CAST: variants seen among roughly 807,000 people sequenced by gnomAD.
The protein encoded by CAST is calpastatin.
A neutral mutation model predicts 119.6 loss-of-function variants in CAST; 76 were observed. That is an observed-to-expected ratio of 0.64 (90% confidence interval 0.53 to 0.77). The LOEUF (loss-of-function observed/expected upper bound fraction) is 0.77. Among genes scored for constraint, CAST ranks in the 30% least tolerant of loss-of-function variants. CAST has a pLI of 0.00. For missense variants in CAST, 953 were observed against 946.5 expected (o/e 1.01, Z -0.09); for synonymous variants, 319 against 331.6 (o/e 0.96, Z 0.41).
intron 1 of CAST, among the ~76,000 whole-genome samples, chr5:96,570,245 AT>A (rs1267359294): frequency 6.6e-6 from 1 of 152,210 alleles, no homozygotes; most frequent in Admixed American, 6.5e-5. Flanking sequence ...ACTCAAAAAG[AT>A]TTATAAAATG....
chr5:96,739,977 G>T (rs896747373), intron 11 of CAST, 61 bp from the exon 12 acceptor site: 134 of 757,370 alleles, frequency 1.8e-4, no homozygotes, highest in Non-Finnish European at 2.7e-4. Context: ...TTCAGAATAT[G>T]CATATAGCAT....
At chr5:96,104,404 C>T in the CAST span, among the ~76,000 whole-genome samples, 3 of 152,028 alleles carry the variant, frequency 2.0e-5, no homozygotes, top group Non-Finnish European at 2.9e-5. Context: ...CTTGAATTGA[C>T]TTTTGTATAA....
At chr5:96,041,875 C>G in the CAST span, among the ~76,000 whole-genome samples, 1 of 152,144 alleles carries the variant, frequency 6.6e-6, no homozygotes, top group African/African-American at 2.4e-5. Context: ...GTTGATATGG[C>G]TGGAGCCTCA....
chr5:96,542,308 C>CAAAAAAAA (rs759173589), intron 1 of CAST, among the ~76,000 whole-genome samples: 7 of 37,086 alleles, frequency 1.9e-4, no homozygotes, highest in Non-Finnish European at 3.7e-4. Context: ...GACTTAGTCT[C>CAAAAAAAA]AAAAAAAAAA....
chr5:96,641,179 A>T (rs958997015), intron 1 of CAST, among the ~76,000 whole-genome samples: 2 of 152,190 alleles, frequency 1.3e-5, no homozygotes, highest in African/African-American at 4.8e-5. Context: ...CTGTTTAGAG[A>T]TATAGAAACG....
the CAST span, among the ~76,000 whole-genome samples, chr5:96,366,710 A>T: frequency 6.6e-6 from 1 of 152,162 alleles, no homozygotes; most frequent in Non-Finnish European, 1.5e-5. Context: ...TACACTGATT[A>T]TTCTAGTTAG....
At chr5:96,049,889 CAAAAAAAAAAAAA>C in the CAST span, among the ~76,000 whole-genome samples, 16 of 34,184 alleles carry the variant, frequency 4.7e-4, no homozygotes, top group Admixed American at 2.0e-3. Flanking sequence ...GAACAGGAGG[CAAAAAAAAAAAAA>C]AAAAAAAAAA....
chr5:96,700,842 C>T (rs754659396), intron 3 of CAST, among the ~76,000 whole-genome samples: 1 of 152,102 alleles, frequency 6.6e-6, no homozygotes, highest in Non-Finnish European at 1.5e-5. Context: ...ATGGCCACAG[C>T]ACAGCAGTGG....
chr5:96,244,928 T>C, the CAST span, among the ~76,000 whole-genome samples: 1 of 152,120 alleles, frequency 6.6e-6, no homozygotes. Flanking sequence ...GGTGGCAAAA[T>C]GGCATGCGGA....
intron 1 of CAST, among the ~76,000 whole-genome samples, chr5:96,593,380 T>A (rs1746997988): frequency 6.6e-6 from 1 of 152,224 alleles, no homozygotes; most frequent in Non-Finnish European, 1.5e-5. Flanking sequence ...GGTATTGCCA[T>A]CAGGACCCGT....
At chr5:96,353,120 T>TA in the CAST span, among the ~76,000 whole-genome samples, 46,722 of 150,838 alleles carry the variant, frequency 0.31, 7,877 homozygotes, top group Admixed American at 0.43. Flanking sequence ...TACTGATTGA[T>TA]AAAAAAAAAC....
At chr5:96,491,251 C>T in the CAST span, among the ~76,000 whole-genome samples, 4 of 151,262 alleles carry the variant, frequency 2.6e-5, no homozygotes, top group Admixed American at 6.6e-5. Flanking sequence ...TTTGGGAGGC[C>T]GAGGCGGGTG....
chr5:96,653,808 A>G (rs1221722424), intron 1 of CAST, among the ~76,000 whole-genome samples: 2 of 152,152 alleles, frequency 1.3e-5, no homozygotes, highest in Non-Finnish European at 2.9e-5. Flanking sequence ...GAAAGACTGA[A>G]AAGCAAAATA....
chr5:96,299,655 T>A, the CAST span, among the ~76,000 whole-genome samples: 2 of 152,216 alleles, frequency 1.3e-5, no homozygotes, highest in African/African-American at 2.4e-5. Flanking sequence ...TGATATGAAG[T>A]AATATTTATC....
chr5:96,715,962 T>C (rs140859913), intron 3 of CAST, among the ~76,000 whole-genome samples: 139 of 152,340 alleles, frequency 9.1e-4, no homozygotes, highest in African/African-American at 3.2e-3. Flanking sequence ...CTTTCAGTTA[T>C]CATAAACACT....
chr5:96,618,315 T>C (rs1195569599), intron 1 of CAST, among the ~76,000 whole-genome samples: 1 of 152,250 alleles, frequency 6.6e-6, no homozygotes, highest in Non-Finnish European at 1.5e-5. Context: ...CATCCTGGTT[T>C]GCCTGGTATT....
chr5:96,476,961 G>A, the CAST span, among the ~76,000 whole-genome samples: 1 of 148,054 alleles, frequency 6.8e-6, no homozygotes, highest in Admixed American at 6.8e-5. Context: ...GCTATTATCA[G>A]AGCCCTTTTA....
At chr5:96,180,043 T>A in the CAST span, among the ~76,000 whole-genome samples, 4 of 151,460 alleles carry the variant, frequency 2.6e-5, no homozygotes, top group African/African-American at 7.3e-5. Flanking sequence ...AAAAAAGAAC[T>A]GCTAGAGCGT....
intron 1 of CAST, among the ~76,000 whole-genome samples, chr5:96,670,717 C>T (rs189022276): frequency 1.3e-5 from 2 of 152,308 alleles, no homozygotes; most frequent in Admixed American, 6.5e-5. Context: ...AGGCTGGTCT[C>T]GAACTCCTGA....
Sources: allele counts gnomAD v4.1 joint callset (sites outside exome capture counted in the v4.1 genomes callset), GRCh38; gene constraint gnomAD v4.1.1; transcripts MANE v1.5; gene names NCBI Gene and HGNC (gene_info 2026-07-23, HGNC 2026-07-21).